The following NMNAT2 variants were observed in gnomAD, a reference collection of about 807,000 sequenced individuals.
NMNAT2 encodes the protein nicotinamide nucleotide adenylyltransferase 2.
In NMNAT2, 11 loss-of-function variants were observed where a neutral mutation model predicts 41.6. The ratio of observed to expected loss-of-function variants is 0.26; its 90% CI spans 0.17 to 0.44. The LOEUF (loss-of-function observed/expected upper bound fraction) is 0.44, where lower values mean the gene tolerates loss of function less well. Among genes scored for constraint, NMNAT2 ranks in the 20% least tolerant of loss-of-function variants. NMNAT2 has a pLI of 1.00. For missense variants in NMNAT2, 288 were observed against 407.7 expected (o/e 0.71, Z 2.53); for synonymous variants, 148 against 151.2 (o/e 0.98, Z 0.16).
intron 1 of NMNAT2, among the ~76,000 whole-genome samples, chr1:183,373,817 C>T (rs1402116950): frequency 6.6e-6 from 1 of 152,002 alleles, no homozygotes; most frequent in South Asian, 2.1e-4. Context: ...GAGGTTTTAC[C>T]ATGTTGGCCA....
At chr1:183,398,669 C>A (rs1192891455) in intron 1 of NMNAT2, among the ~76,000 whole-genome samples, 5 of 152,180 alleles carry the variant, frequency 3.3e-5, no homozygotes, top group Non-Finnish European at 4.4e-5. Context: ...AAGTAAAGCA[C>A]TCCTCAGCAA....
At chr1:183,345,903 G>GA (rs1251866058) in intron 1 of NMNAT2, among the ~76,000 whole-genome samples, 2 of 152,042 alleles carry the variant, frequency 1.3e-5, no homozygotes, top group African/African-American at 4.8e-5. Flanking sequence ...CGCCAGGATG[G>GA]TCTCGATCTC....
intron 1 of NMNAT2, among the ~76,000 whole-genome samples, chr1:183,409,395 C>G (rs899973463): frequency 2.6e-5 from 4 of 152,100 alleles, no homozygotes; most frequent in African/African-American, 9.7e-5. Context: ...TGACTCACTG[C>G]AGCCTCAACC....
At position 183,294,171 on chromosome 1, in the gene NMNAT2, T is replaced by A. The variant is rs915327220; in HGVS notation, c.86-378A>T. 2.0e-5 allele frequency among the ~76,000 whole-genome samples: 3 copies of A among 152,076 alleles called. No individual in the cohort carries two copies. In the South Asian group the frequency reaches 6.2e-4, roughly 31 times the overall value. On this transcript the variant is annotated intron_variant, in intron 1 of 10. Transcript: ENST00000287713. ...ATGTGGAGGAGTAGTATTTAAAAAA[T>A]AAATAAATAAAAGCCTCCTTATAAT...
intron 1 of NMNAT2, among the ~76,000 whole-genome samples, chr1:183,312,862 T>G (rs1391519603): frequency 6.6e-6 from 1 of 152,256 alleles, no homozygotes; most frequent in Non-Finnish European, 1.5e-5. Context: ...AGTCCATGCA[T>G]GGACAGGTTC....
intron 1 of NMNAT2, among the ~76,000 whole-genome samples, chr1:183,315,868 A>T (rs7530144): frequency 0.072 from 10,963 of 152,172 alleles, 549 homozygotes; most frequent in Middle Eastern, 0.14. Context: ...TATCTATGTA[A>T]TAAACCTGCA....
At chr1:183,354,468 G>A (rs1663139167) in intron 1 of NMNAT2, among the ~76,000 whole-genome samples, 1 of 142,958 alleles carries the variant, frequency 7.0e-6, no homozygotes, top group Non-Finnish European at 1.5e-5. Flanking sequence ...CTGGAGTGCA[G>A]TGGTGTGATC....
intron 1 of NMNAT2, among the ~76,000 whole-genome samples, chr1:183,346,438 A>C (rs1442227196): frequency 6.6e-6 from 1 of 152,158 alleles, no homozygotes; most frequent in Non-Finnish European, 1.5e-5. Flanking sequence ...ATAAATGGCC[A>C]CTGGTTGGGA....
chr1:183,348,599 T>G (rs1246119024), intron 1 of NMNAT2, among the ~76,000 whole-genome samples: 1 of 152,212 alleles, frequency 6.6e-6, no homozygotes, highest in African/African-American at 2.4e-5. Context: ...AGACCAGCCT[T>G]GCAGCCCAGT....
chr1:183,307,946 G>A (rs869741), intron 1 of NMNAT2, among the ~76,000 whole-genome samples: 12,744 of 152,234 alleles, frequency 0.084, 562 homozygotes, highest in East Asian at 0.15. Context: ...CTGCATTTGG[G>A]CAGATTTCGA....
At position 183,407,889 on chromosome 1, in the gene NMNAT2, C is replaced by G. The variant is rs139601170; in HGVS notation, c.85+10294G>C. 2.2e-4 allele frequency among the ~76,000 whole-genome samples: 33 copies of G among 152,240 alleles called. No individual in the cohort carries two copies. In the East Asian group the frequency reaches 6.0e-3, roughly 28 times the overall value. The stretch of plus-strand genomic sequence containing the variant: ...ATAAATGTGTTCTGAGAAAGTATAC[C>G]TAATGTTCAACAGCAGATAAATGTC... On this transcript the variant is annotated intron_variant, in intron 1 of 10. Coordinates refer to ENST00000287713, the MANE Select transcript of NMNAT2 (RefSeq NM_015039.4).
At chr1:183,378,048 T>C (rs974325613) in intron 1 of NMNAT2, among the ~76,000 whole-genome samples, 4 of 152,084 alleles carry the variant, frequency 2.6e-5, no homozygotes, top group African/African-American at 9.7e-5. Context: ...GATAGGTCAA[T>C]AGAAATTACC....
intron 1 of NMNAT2, among the ~76,000 whole-genome samples, chr1:183,319,448 A>G (rs1415243389): frequency 3.3e-5 from 5 of 152,322 alleles, no homozygotes; most frequent in East Asian, 3.9e-4. Flanking sequence ...AACTGCCCCA[A>G]TGTTCTCGAG....
intron 1 of NMNAT2, among the ~76,000 whole-genome samples, chr1:183,401,541 T>A (rs1648808328): frequency 6.6e-6 from 1 of 152,202 alleles, no homozygotes; most frequent in African/African-American, 2.4e-5. Context: ...GAAATACCAT[T>A]TGACCCAGCC....
At chr1:183,284,890 G>T in intron 5 of NMNAT2, 100 bp from the exon 6 acceptor site, 1 of 918,156 alleles carries the variant, frequency 1.1e-6, no homozygotes, top group Non-Finnish European at 1.8e-6. Flanking sequence ...AAACATCAGG[G>T]TGCATGGACG....
At chr1:183,259,767 T>C (rs1455488014) in intron 10 of NMNAT2, among the ~76,000 whole-genome samples, 1 of 152,030 alleles carries the variant, frequency 6.6e-6, no homozygotes, top group Non-Finnish European at 1.5e-5. Flanking sequence ...GCCCGGCTGA[T>C]TTTTTGTATT....
intron 1 of NMNAT2, among the ~76,000 whole-genome samples, chr1:183,326,221 CA>C (rs767390984): frequency 6.6e-6 from 1 of 151,712 alleles, no homozygotes; most frequent in Non-Finnish European, 1.5e-5. Flanking sequence ...ACTAAAAATA[CA>C]AAAATTAGCT....
At chr1:183,370,806 G>A (rs910711305) in intron 1 of NMNAT2, among the ~76,000 whole-genome samples, 2 of 152,218 alleles carry the variant, frequency 1.3e-5, no homozygotes, top group South Asian at 2.1e-4. Flanking sequence ...GCTGTAAAAA[G>A]CCAAGCTTCT....
intron 3 of NMNAT2, 113 bp from the exon 4 acceptor site, chr1:183,290,319 G>A (rs549425002): frequency 5.5e-5 from 42 of 765,284 alleles, no homozygotes; most frequent in South Asian, 3.7e-5. Flanking sequence ...CATACCATGC[G>A]CTTAGATCTT....
Sources: allele counts gnomAD v4.1 joint callset (sites outside exome capture counted in the v4.1 genomes callset), GRCh38; gene constraint gnomAD v4.1.1; transcripts MANE v1.5; gene names NCBI Gene and HGNC (gene_info 2026-07-23, HGNC 2026-07-21).